The following DDC variants were observed in gnomAD, a reference collection of about 807,000 sequenced individuals.
The protein encoded by DDC is aromatic-L-amino-acid decarboxylase.
Under a neutral mutation model 60.0 loss-of-function variants are expected in DDC, and 43 were observed. The ratio of observed to expected loss-of-function variants is 0.72; its 90% CI spans 0.56 to 0.92. The LOEUF is 0.92. Among genes scored for constraint, DDC ranks in the 40% least tolerant of loss-of-function variants. The pLI is 0.00. For missense variants in DDC, 573 were observed against 620.2 expected (o/e 0.92, Z 0.81); for synonymous variants, 232 against 234.6 (o/e 0.99, Z 0.10).
At chr7:50,506,670 A>G (rs887866698) in intron 6 of DDC, among the ~76,000 whole-genome samples, 3 of 152,258 alleles carry the variant, frequency 2.0e-5, no homozygotes, top group Non-Finnish European at 2.9e-5. Flanking sequence ...TAAACCATGT[A>G]TGTGGGGCAC....
chr7:50,482,798 A>C (rs1012128490), intron 9 of DDC, among the ~76,000 whole-genome samples: 1 of 152,170 alleles, frequency 6.6e-6, no homozygotes, highest in African/African-American at 2.4e-5. Flanking sequence ...TGCTATTATA[A>C]AGAGTGTTAC....
At chr7:50,501,667 G>T (rs1214728487) in intron 7 of DDC, among the ~76,000 whole-genome samples, 1 of 152,192 alleles carries the variant, frequency 6.6e-6, no homozygotes, top group Non-Finnish European at 1.5e-5. Flanking sequence ...GTTGGAGAAT[G>T]CTAAATATCT....
chr7:50,494,235 C>CCGT (rs2043071692), intron 9 of DDC, among the ~76,000 whole-genome samples: 1 of 152,188 alleles, frequency 6.6e-6, no homozygotes, highest in Non-Finnish European at 1.5e-5. Flanking sequence ...CGGCCAGGCA[C>CCGT]CGTGGCTTAC....
intron 6 of DDC, among the ~76,000 whole-genome samples, chr7:50,509,818 T>C (rs986081965): frequency 4.6e-5 from 7 of 152,176 alleles, no homozygotes; most frequent in African/African-American, 1.7e-4. Context: ...ATTGGTACAA[T>C]GTTTTTGAAG....
intron 1 of DDC, among the ~76,000 whole-genome samples, chr7:50,558,772 A>G (rs2153554398): frequency 6.6e-6 from 1 of 152,298 alleles, no homozygotes; most frequent in Non-Finnish European, 1.5e-5. Context: ...TGTCCTCACC[A>G]TGGCCAGAGA....
chr7:50,518,951 C>A (rs1213584526), intron 6 of DDC, among the ~76,000 whole-genome samples: 2 of 152,218 alleles, frequency 1.3e-5, no homozygotes, highest in Non-Finnish European at 2.9e-5. Flanking sequence ...GGTAAACAGA[C>A]AACCCACAGA....
At chr7:50,471,627 G>A (rs1282174130) in intron 11 of DDC, among the ~76,000 whole-genome samples, 1 of 152,142 alleles carries the variant, frequency 6.6e-6, no homozygotes, top group Non-Finnish European at 1.5e-5. Flanking sequence ...TGTAAACAAG[G>A]GTTCGGATCC....
intron 14 of DDC, among the ~76,000 whole-genome samples, chr7:50,460,238 G>T (rs1263172717): frequency 1.4e-5 from 2 of 144,644 alleles, no homozygotes; most frequent in African/African-American, 5.3e-5. Flanking sequence ...GGAGGTGGGG[G>T]GTCAGCCCCT....
At chr7:50,539,379 T>G (rs996622034) in intron 3 of DDC, among the ~76,000 whole-genome samples, 1 of 152,162 alleles carries the variant, frequency 6.6e-6, no homozygotes, top group Non-Finnish European at 1.5e-5. Context: ...GAGTAGGGAC[T>G]TTTTTAGGCA....
At chr7:50,505,367 G>C (rs934079510) in intron 6 of DDC, among the ~76,000 whole-genome samples, 1 of 152,218 alleles carries the variant, frequency 6.6e-6, no homozygotes, top group East Asian at 1.9e-4. Context: ...ATGCAGTCTA[G>C]ATAATGAAAT....
intron 14 of DDC, among the ~76,000 whole-genome samples, chr7:50,462,782 T>C (rs1562976919): frequency 6.9e-6 from 1 of 144,136 alleles, no homozygotes; most frequent in East Asian, 1.9e-4. Flanking sequence ...TTTTTTTTTT[T>C]TTTTTTTGGA....
chr7:50,469,935 T>C (rs1218280841), intron 12 of DDC, 138 bp downstream of exon 12: 1 of 658,394 alleles, frequency 1.5e-6, no homozygotes, highest in Non-Finnish European at 2.7e-6. Flanking sequence ...GCTGAGATTG[T>C]GCCATTGCAC....
At chr7:50,557,402 A>T (rs2045220759) in intron 1 of DDC, among the ~76,000 whole-genome samples, 1 of 152,212 alleles carries the variant, frequency 6.6e-6, no homozygotes, top group Admixed American at 6.5e-5. Context: ...TCATAACTTG[A>T]GCAACTTCCA....
At chr7:50,476,725 G>C (rs2042654795) in intron 10 of DDC, 82 bp from the exon 11 acceptor site, 2 of 1,372,036 alleles carry the variant, frequency 1.5e-6, no homozygotes, top group Admixed American at 1.7e-5. Context: ...CATTTTCCAG[G>C]TAAATTTCTT....
At chr7:50,509,451 C>T (rs2043490033) in intron 6 of DDC, among the ~76,000 whole-genome samples, 1 of 152,184 alleles carries the variant, frequency 6.6e-6, no homozygotes. Context: ...AGATAAATCT[C>T]TCTCTCAGCA....
In DDC at chr7:50,459,849, G is replaced by A. The variant is rs1264272741; in HGVS notation, c.*19-1006C>T. 1.6e-3 allele frequency among the ~76,000 whole-genome samples: 236 copies of A among 145,716 alleles called. 1 individual carries two copies. The highest frequency in any genetic ancestry group is 6.0e-3 in the African/African-American group (227 of 37,884). On this transcript the variant is annotated intron_variant, in intron 14 of 14. Coordinates refer to ENST00000444124, the MANE Select transcript of DDC (RefSeq NM_001082971.2). ...AGGGAGGTGGGGGAATCAGCCCCCG[G>A]CCCGGCCAGCCGCCCCGTCCGGGAG... is the stretch of plus-strand genomic sequence containing the variant.
At chr7:50,492,726 G>A in intron 9 of DDC, 1 of 1,338,380 alleles carries the variant, frequency 7.5e-7, no homozygotes, top group Non-Finnish European at 9.6e-7. Context: ...CCTCATCCCT[G>A]TGTGTCCTGT....
chr7:50,563,558 G>A (rs1176491622), intron 1 of DDC, among the ~76,000 whole-genome samples: 1 of 152,086 alleles, frequency 6.6e-6, no homozygotes, highest in African/African-American at 2.4e-5. Flanking sequence ...CTTTAAAACT[G>A]CAACATATTC....
At chr7:50,503,506 C>T (rs1347310871) in intron 7 of DDC, among the ~76,000 whole-genome samples, 2 of 152,150 alleles carry the variant, frequency 1.3e-5, no homozygotes, top group Non-Finnish European at 2.9e-5. Context: ...TATTCCTTGG[C>T]GAAATCCAGT....
Sources: allele counts gnomAD v4.1 joint callset (sites outside exome capture counted in the v4.1 genomes callset), GRCh38; gene constraint gnomAD v4.1.1; transcripts MANE v1.5; gene names NCBI Gene and HGNC (gene_info 2026-07-23, HGNC 2026-07-21).